The following TIAM2 variants were observed in gnomAD, a reference collection of about 807,000 sequenced individuals.
TIAM2 encodes the protein TIAM Rac1 associated GEF 2, also known as rho guanine nucleotide exchange factor TIAM2.
A neutral mutation model predicts 152.9 loss-of-function variants in TIAM2; 80 were observed. That is an observed-to-expected ratio of 0.52 (90% CI 0.44 to 0.63). The LOEUF (loss-of-function observed/expected upper bound fraction) is 0.63, where lower values mean the gene tolerates loss of function less well. Ranked by LOEUF, TIAM2 falls within the 30% of genes least tolerant of loss-of-function variation. TIAM2 has a pLI of 0.00. For missense variants in TIAM2, 1,965 were observed against 2,120.1 expected (o/e 0.93, Z 1.44); for synonymous variants, 804 against 838.0 (o/e 0.96, Z 0.70).
At chr6:155,146,349 C>G (rs1779817757) in intron 6 of TIAM2, among the ~76,000 whole-genome samples, 1 of 152,092 alleles carries the variant, frequency 6.6e-6, no homozygotes, top group Non-Finnish European at 1.5e-5. Context: ...CCACTGCACT[C>G]CAGCCCAGGC....
At chr6:155,252,924 T>G (rs1380917249) in intron 23 of TIAM2, 24 bp from the exon 24 acceptor site, 20 of 1,602,562 alleles carry the variant, frequency 1.2e-5, no homozygotes, top group Non-Finnish European at 1.7e-5. Context: ...CTAACACTTT[T>G]CTTGGTGGGC....
At chr6:155,169,943 T>C (rs1780542909) in intron 9 of TIAM2, among the ~76,000 whole-genome samples, 1 of 152,108 alleles carries the variant, frequency 6.6e-6, no homozygotes, top group South Asian at 2.1e-4. Context: ...CTCAGCCTCC[T>C]GAGTAGCTGG....
chr6:155,181,963 G>C (rs1231896766), intron 12 of TIAM2, among the ~76,000 whole-genome samples: 2 of 152,170 alleles, frequency 1.3e-5, no homozygotes, highest in Non-Finnish European at 2.9e-5. Context: ...CTTGGCTATT[G>C]TGAATTACGC....
intron 1 of TIAM2, among the ~76,000 whole-genome samples, chr6:155,043,322 A>G (rs956254738): frequency 5.3e-5 from 8 of 152,100 alleles, no homozygotes; most frequent in African/African-American, 1.7e-4. Context: ...GTCTCCTTCC[A>G]GGCCAGTTAA....
intron 15 of TIAM2, among the ~76,000 whole-genome samples, chr6:155,234,865 G>C (rs1782664615): frequency 6.6e-6 from 1 of 152,250 alleles, no homozygotes; most frequent in Non-Finnish European, 1.5e-5. Flanking sequence ...GGAGAGCCCT[G>C]ACCACATGGG....
At chr6:155,234,087 C>T (rs992647579) in intron 15 of TIAM2, among the ~76,000 whole-genome samples, 15 of 151,830 alleles carry the variant, frequency 9.9e-5, no homozygotes, top group African/African-American at 3.4e-4. Flanking sequence ...CTTTTTATGA[C>T]TTCTTAAAGA....
At chr6:155,187,573 C>CCCCCCTTTTTTT (rs1189509294) in intron 14 of TIAM2, among the ~76,000 whole-genome samples, 1 of 49,614 alleles carries the variant, frequency 2.0e-5, no homozygotes, top group African/African-American at 7.9e-5. Context: ...ACCCCGCCCC[C>CCCCCCTTTTTTT]TTTTTTTTTT....
chr6:155,031,255 C>T (rs1776815149), intron 1 of TIAM2, among the ~76,000 whole-genome samples: 1 of 152,310 alleles, frequency 6.6e-6, no homozygotes, highest in Non-Finnish European at 1.5e-5. Context: ...ATATGTGCCT[C>T]TCTGTATATG....
intron 2 of TIAM2, among the ~76,000 whole-genome samples, chr6:155,111,633 G>C (rs932122032): frequency 6.6e-6 from 1 of 152,170 alleles, no homozygotes; most frequent in Non-Finnish European, 1.5e-5. Context: ...AGGAGGGGCA[G>C]TTGCTCTAGA....
chr6:155,201,942 A>G (rs1781479863), intron 14 of TIAM2, among the ~76,000 whole-genome samples: 1 of 152,252 alleles, frequency 6.6e-6, no homozygotes, highest in Non-Finnish European at 1.5e-5. Context: ...TTTCTAGCAC[A>G]GTATTTGTGC....
intron 15 of TIAM2, among the ~76,000 whole-genome samples, chr6:155,221,927 C>G (rs1020232466): frequency 1.3e-5 from 2 of 151,812 alleles, no homozygotes; most frequent in East Asian, 3.9e-4. Context: ...TTTGCAGGTT[C>G]TTGCCTATTC....
chr6:155,220,638 A>G (rs1236030845), intron 15 of TIAM2, among the ~76,000 whole-genome samples: 1 of 151,772 alleles, frequency 6.6e-6, no homozygotes, highest in Non-Finnish European at 1.5e-5. Flanking sequence ...CTGGCTTCCC[A>G]GCCTCTTTTT....
intron 1 of TIAM2, among the ~76,000 whole-genome samples, chr6:155,077,779 AG>A (rs1016504827): frequency 3.9e-5 from 6 of 152,200 alleles, no homozygotes; most frequent in African/African-American, 1.2e-4. Context: ...TTCATTTTGC[AG>A]GGGGGAAATT....
intron 2 of TIAM2, among the ~76,000 whole-genome samples, chr6:155,095,161 C>T (rs1045796022): frequency 6.6e-6 from 1 of 152,140 alleles, no homozygotes; most frequent in Admixed American, 6.5e-5. Context: ...ATCCCCAATC[C>T]TCCCTAGACT....
chr6:155,047,096 G>A (rs1225342083), intron 1 of TIAM2, among the ~76,000 whole-genome samples: 1 of 152,180 alleles, frequency 6.6e-6, no homozygotes, highest in Non-Finnish European at 1.5e-5. Context: ...CCTATGTAGT[G>A]TTTGTTCCCC....
chr6:154,999,218 A>AATTAATTC (rs1778271641), intron 1 of TIAM2, among the ~76,000 whole-genome samples: 1 of 151,664 alleles, frequency 6.6e-6, no homozygotes. Flanking sequence ...TTAATTAATT[A>AATTAATTC]ATTAATTTTT....
rs1368295069 is a variant in TIAM2 at position 155,213,007 on chromosome 6, C to G, written c.3168+1700C>G. Among the ~76,000 whole-genome samples, 2 of 152,108 alleles carry G rather than the reference C, an allele frequency of 1.3e-5. No individual in the cohort carries two copies. The highest frequency in any genetic ancestry group is 4.8e-5 in the African/African-American group (2 of 41,428). On this transcript the variant is annotated intron_variant, in intron 15 of 26. Transcript: ENST00000682666. The surrounding 1 kb of genome is among the most constrained non-coding windows in gnomAD (Gnocchi z 4.2). ...TGGAGATGCCAGGAACCGCTGAGCC[C>G]CAAAGAGGGTGGCATAGCCCTGGTT... is the stretch of plus-strand genomic sequence containing the variant.
At chr6:155,226,436 G>A (rs1021878953) in intron 15 of TIAM2, among the ~76,000 whole-genome samples, 2 of 152,140 alleles carry the variant, frequency 1.3e-5, no homozygotes, top group Non-Finnish European at 2.9e-5. Context: ...TTGGGAGGCC[G>A]AGGCAGGTGG....
At chr6:155,123,379 C>T (rs1779218412) in intron 2 of TIAM2, among the ~76,000 whole-genome samples, 1 of 152,122 alleles carries the variant, frequency 6.6e-6, no homozygotes, top group African/African-American at 2.4e-5. Context: ...GATTCCCGCC[C>T]TTGGTCTGGG....
Sources: allele counts gnomAD v4.1 joint callset (sites outside exome capture counted in the v4.1 genomes callset), GRCh38; gene constraint gnomAD v4.1.1; non-coding constraint Gnocchi (gnomAD v3.1); transcripts MANE v1.5; gene names NCBI Gene and HGNC (gene_info 2026-07-23, HGNC 2026-07-21).